The following NVL variants were observed in gnomAD, a reference collection of about 807,000 sequenced individuals.
The protein encoded by NVL is nuclear valosin-containing protein-like.
A neutral mutation model predicts 110.2 loss-of-function variants in NVL; 84 were observed. The observed-to-expected ratio is 0.76, with a 90% CI of 0.64 to 0.91. NVL has a LOEUF of 0.91. Among genes scored for constraint, NVL ranks in the 40% least tolerant of loss-of-function variants. The probability of loss-of-function intolerance (pLI) is 0.00; values close to 1 mark genes in which losing one functional copy is unlikely to be tolerated. For synonymous variants in NVL, 354 were observed against 361.1 expected (o/e 0.98, Z 0.22); for missense variants, 882 against 1,035.9 (o/e 0.85, Z 2.04).
Position 224,323,505 on chromosome 1 carries a change from A to T in NVL, c.131+2886T>A, listed in dbSNP as rs118096405. Among the ~76,000 whole-genome samples, 40 of 152,342 alleles carry T rather than the reference A, an allele frequency of 2.6e-4. No homozygotes were observed. The East Asian group carries it at 3.5e-3, about 13-fold the overall frequency. On this transcript the variant is annotated intron_variant, in intron 2 of 22. Transcript: ENST00000281701. ...CCATCTTAGCAGAAGCCAGGAATAG[A>T]CATGGGGTTAAAGCAACAGAAACAC...
intron 1 of NVL, among the ~76,000 whole-genome samples, chr1:224,328,291 G>A (rs535396981): frequency 4.0e-5 from 6 of 151,848 alleles, no homozygotes; most frequent in Admixed American, 6.6e-5. Context: ...AGGCTGAGGC[G>A]GGCAGATCAC....
chr1:224,313,268 T>A (rs907066166), intron 4 of NVL: 2 of 149,778 alleles, frequency 1.3e-5, no homozygotes, highest in African/African-American at 5.0e-5. Flanking sequence ...TTCAACTATT[T>A]GAAAAAAAAA....
intron 13 of NVL, chr1:224,289,233 C>T (rs889226330): frequency 7.2e-6 from 3 of 418,946 alleles, no homozygotes; most frequent in Non-Finnish European, 1.3e-5. Context: ...GTGGGTAGGC[C>T]ACAGTCTGCC....
chr1:224,306,032 C>T (rs1230720442), intron 6 of NVL, among the ~76,000 whole-genome samples: 1 of 152,156 alleles, frequency 6.6e-6, no homozygotes, highest in African/African-American at 2.4e-5. Flanking sequence ...ATATAGTTGT[C>T]TTCATCTGAC....
intron 18 of NVL, among the ~76,000 whole-genome samples, chr1:224,260,910 C>T (rs549351364): frequency 1.3e-5 from 2 of 152,058 alleles, no homozygotes; most frequent in East Asian, 3.9e-4. Context: ...GAGTCTTGCT[C>T]TGTCACCCAG....
intron 18 of NVL, among the ~76,000 whole-genome samples, chr1:224,255,182 GT>G (rs34120278): frequency 0.053 from 5,111 of 96,566 alleles, 340 homozygotes; most frequent in African/African-American, 0.19. Context: ...AATGGTGTAG[GT>G]TTTTTTTTTT....
chr1:224,313,340 GAGTT>G (rs1162912722), intron 4 of NVL, among the ~76,000 whole-genome samples: 1 of 149,688 alleles, frequency 6.7e-6, no homozygotes, highest in Non-Finnish European at 1.5e-5. Flanking sequence ...GTGGATTAAA[GAGTT>G]AAACATAAAG....
At chr1:224,231,088 G>C (rs576701548) in intron 22 of NVL, 138 bp downstream of exon 22, 12 of 578,746 alleles carry the variant, frequency 2.1e-5, no homozygotes, top group Non-Finnish European at 3.1e-5. Flanking sequence ...AGCAGAGATC[G>C]CACCACTGCA....
intron 1 of NVL, among the ~76,000 whole-genome samples, chr1:224,326,886 C>G (rs1671197064): frequency 6.6e-6 from 1 of 152,110 alleles, no homozygotes. Flanking sequence ...CACCTTTTGG[C>G]TGGGCATGGT....
chr1:224,301,363 C>A (rs1189110177), intron 9 of NVL, among the ~76,000 whole-genome samples: 1 of 152,016 alleles, frequency 6.6e-6, no homozygotes, highest in African/African-American at 2.4e-5. Context: ...ATTCAGCCTC[C>A]CAAAGTGCTG....
In NVL at chr1:224,326,416, C is replaced by T; in HGVS notation, c.106G>A (p.Ala36Thr). The T allele has an allele frequency of 6.2e-7, 1 of 1,612,438 alleles. No homozygotes were observed. The highest frequency in any genetic ancestry group is 8.5e-7 in the Non-Finnish European group (1 of 1,178,968). The change falls in exon 2 of 23, where the codon GCG becomes ACG. Residue 36 changes from alanine to threonine, a missense_variant. Coordinates refer to ENST00000281701, the MANE Select transcript of NVL (RefSeq NM_002533.4). The part of the protein sequence containing the change: ...CGKYVDIGVL[A>T]SDLQRVYSID... ...CTGTACACTCTTTGTAAATCAGACGCTAAGACTCCAATGTCCACATATTTG... is the reference window on the plus strand; with the variant it reads ...CTGTACACTCTTTGTAAATCAGACGTTAAGACTCCAATGTCCACATATTTG...
chr1:224,306,066 T>C (rs980891232), intron 6 of NVL, among the ~76,000 whole-genome samples: 2 of 152,178 alleles, frequency 1.3e-5, no homozygotes, highest in Non-Finnish European at 2.9e-5. Context: ...CTAAATTAAA[T>C]ATAACTACAG....
chr1:224,286,550 AC>A (rs1479061655), intron 14 of NVL, among the ~76,000 whole-genome samples: 2 of 152,110 alleles, frequency 1.3e-5, no homozygotes, highest in Non-Finnish European at 2.9e-5. Context: ...GAAGATACGA[AC>A]AGTACCTGGT....
At chr1:224,321,027 G>A (rs563222899) in intron 2 of NVL, among the ~76,000 whole-genome samples, 25 of 152,270 alleles carry the variant, frequency 1.6e-4, no homozygotes, top group Admixed American at 1.4e-3. Flanking sequence ...TGAGGCGAGA[G>A]GATCACTTGA....
intron 2 of NVL, among the ~76,000 whole-genome samples, chr1:224,318,609 T>A (rs1165226099): frequency 6.6e-6 from 1 of 151,508 alleles, no homozygotes; most frequent in East Asian, 1.9e-4. Context: ...TCAAAAAAAA[T>A]AATAAATTAA....
chr1:224,230,286 A>C (rs1659725741), intron 22 of NVL, among the ~76,000 whole-genome samples: 1 of 152,352 alleles, frequency 6.6e-6, no homozygotes, highest in East Asian at 1.9e-4. Context: ...TAGGTCAAAT[A>C]ATACTTGAAT....
chr1:224,244,476 G>A (rs546812575), intron 19 of NVL, among the ~76,000 whole-genome samples: 3 of 151,802 alleles, frequency 2.0e-5, no homozygotes, highest in East Asian at 1.9e-4. Flanking sequence ...TATATGGCTC[G>A]CTCTTTTTTA....
At chr1:224,311,752 A>G (rs1285281660) in intron 5 of NVL, 48 bp downstream of exon 5, 2 of 1,452,462 alleles carry the variant, frequency 1.4e-6, no homozygotes, top group Non-Finnish European at 1.9e-6. Context: ...GTACCATAAC[A>G]ACTAAAAAAG....
intron 2 of NVL, among the ~76,000 whole-genome samples, chr1:224,321,068 T>G (rs1333984460): frequency 6.6e-6 from 1 of 151,668 alleles, no homozygotes; most frequent in Non-Finnish European, 1.5e-5. Flanking sequence ...CTGGGCAACA[T>G]GGCAAAACCC....
Sources: allele counts gnomAD v4.1 joint callset (sites outside exome capture counted in the v4.1 genomes callset), GRCh38; gene constraint gnomAD v4.1.1; transcripts MANE v1.5; gene names NCBI Gene and HGNC (gene_info 2026-07-23, HGNC 2026-07-21).